Variants in NBEAL2 observed in about 807,000 individuals in gnomAD.
NBEAL2 encodes the protein neurobeachin like 2.
NBEAL2 carries 160 observed loss-of-function variants against 299.8 expected under a neutral mutation model. The observed-to-expected ratio is 0.53, with a 90% CI of 0.47 to 0.61. The LOEUF (loss-of-function observed/expected upper bound fraction) is 0.61, where lower values mean the gene tolerates loss of function less well. Among genes scored for constraint, NBEAL2 ranks in the 20% least tolerant of loss-of-function variants. The probability of loss-of-function intolerance (pLI) is 0.00; values close to 1 mark genes in which losing one functional copy is unlikely to be tolerated. For synonymous variants in NBEAL2, 1,493 were observed against 1,542.3 expected (o/e 0.97, Z 0.75); for missense variants, 3,112 against 3,649.0 (o/e 0.85, Z 3.79).
Position 46,994,500 on chromosome 3 carries a change from C to G in NBEAL2, c.1243C>G (p.Leu415Val), listed in dbSNP as rs2036331155. The change falls in exon 12 of 54, where the codon CTG (leucine) becomes GTG (valine). Residue 415 changes from leucine to valine, a missense_variant. By Grantham distance (32) the Leu-to-Val change is conservative (BLOSUM62 1). Transcript: ENST00000450053. ...RIGYPHLQEV[L>V]QSHGPPTHRL... is the part of the protein sequence containing the mutation. ...CGGCTACCCTCACCTGCAGGAGGTT[C>G]TGCAGAGCCATGGTCCCCCCACCCA... 1.9e-6 allele frequency: 3 copies of G among 1,596,292 alleles called. No homozygotes were observed. In the South Asian group the frequency reaches 3.4e-5, roughly 18 times the overall value.
At position 47,005,591 on chromosome 3, in the gene NBEAL2, C is replaced by T. The variant is rs537867553; in HGVS notation, c.6663C>T (p.Tyr2221=). The change falls in exon 41 of 54, where the codon TAC becomes TAT. Residue 2221 remains tyrosine (Y), a synonymous_variant. Coordinates refer to ENST00000450053, the MANE Select transcript of NBEAL2 (RefSeq NM_015175.3). ...DVKELIPEFF[Y]FPDFLENQNG... ...AGGAGCTCATCCCGGAATTCTTCTACTTTCCTGACTTCCTGGAGAACCAGA... is the reference window on the plus strand; with the variant it reads ...AGGAGCTCATCCCGGAATTCTTCTATTTTCCTGACTTCCTGGAGAACCAGA... The T allele has an allele frequency of 6.2e-6, 10 of 1,613,526 alleles. No homozygotes were observed. Among genetic ancestry groups the T allele is most frequent in the Middle Eastern group, 1.6e-4 (1 of 6,062 alleles).
chr3:46,990,976 G>A (rs2107307110), intron 6 of NBEAL2, among the ~76,000 whole-genome samples: 1 of 152,262 alleles, frequency 6.6e-6, no homozygotes, highest in South Asian at 2.1e-4. Flanking sequence ...GACTCTCAGG[G>A]CTGGTCTTTG....
At chr3:47,007,381 T>G in intron 47 of NBEAL2, 31 bp downstream of exon 47, 1 of 1,574,664 alleles carries the variant, frequency 6.4e-7, no homozygotes, top group Non-Finnish European at 8.6e-7. Flanking sequence ...TGGGGTGGGC[T>G]ACAAATGCCC....
intron 1 of NBEAL2, among the ~76,000 whole-genome samples, chr3:46,984,282 G>T (rs1364016350): frequency 6.6e-6 from 1 of 152,050 alleles, no homozygotes; most frequent in Non-Finnish European, 1.5e-5. Flanking sequence ...CTCCAGCCTG[G>T]GCCGGCGACA....
In NBEAL2 at chr3:47,003,576, CTGGG is replaced by C. The variant is rs2037193390; in HGVS notation, c.5721-237_5721-234del. Among the ~76,000 whole-genome samples, 4 of 152,122 alleles carry C rather than the reference CTGGG, an allele frequency of 2.6e-5. No homozygotes were observed. The South Asian group carries it at 8.3e-4, about 32-fold the overall frequency. On this transcript the variant is annotated intron_variant, in intron 35 of 53. Coordinates refer to ENST00000450053, the MANE Select transcript of NBEAL2 (RefSeq NM_015175.3). This position sits in a 1 kb window ranked among gnomAD's most constrained non-coding sequence, Gnocchi z 7.0. ...AGGGGGCCCAGGGAGTGGGCAGGGG[CTGGG>C]TGAGGGGAGCAGGGGACAAGGGTTG...
chr3:46,994,935 G>A, intron 12 of NBEAL2, 97 bp from the exon 13 acceptor site: 1 of 1,447,046 alleles, frequency 6.9e-7, no homozygotes, highest in Non-Finnish European at 9.2e-7. Context: ...AGATCATGTT[G>A]CTGACTGCTG....
Position 47,002,025 on chromosome 3 carries a change from G to A in NBEAL2, c.4888G>A (p.Gly1630Arg), listed in dbSNP as rs1227271771. The change falls in exon 31 of 54, where the codon GGG becomes AGG. Residue 1630 changes from glycine to arginine, a missense_variant. This residue lies in a region of NBEAL2 where 2,243 missense variants were observed against 2,538.1 expected (regional missense o/e 0.88). Transcript: ENST00000450053. ...GCTCTCCAAGCTGGAGGCTGCACTG[G>A]GGCGGGTGCTGAACACCTCTTCCTT... ...YVLSKLEAAL[G>R]RVLNTSSLES... 1 of 1,573,768 alleles carries A rather than the reference G, an allele frequency of 6.4e-7. No individual in the cohort carries two copies. Among genetic ancestry groups the A allele is most frequent in the South Asian group, 1.1e-5 (1 of 87,172 alleles).
In NBEAL2 at chr3:46,998,703, T is replaced by C; in HGVS notation, c.3222-14T>C. ...TCTTTGGGACCTGGCTGGGTGTGCCTACTGACCTGCCAGCCCGCAGCGGGA... is the reference window on the plus strand; with the variant it reads ...TCTTTGGGACCTGGCTGGGTGTGCCCACTGACCTGCCAGCCCGCAGCGGGA... On this transcript the variant is annotated splice_polypyrimidine_tract_variant and intron_variant, in intron 22 of 53. Coordinates refer to ENST00000450053, the MANE Select transcript of NBEAL2 (RefSeq NM_015175.3). 1 of 1,568,516 alleles carries C rather than the reference T, an allele frequency of 6.4e-7. No individual in the cohort carries two copies. The highest frequency in any genetic ancestry group is 8.7e-7 in the Non-Finnish European group (1 of 1,155,250).
chr3:46,985,310 C>T (rs1466604283), intron 1 of NBEAL2, among the ~76,000 whole-genome samples: 1 of 152,130 alleles, frequency 6.6e-6, no homozygotes, highest in African/African-American at 2.4e-5. Flanking sequence ...GATGTCTACT[C>T]GAGGCCCATT....
At position 46,991,535 on chromosome 3, in the gene NBEAL2, G is replaced by C; in HGVS notation, c.772G>C (p.Val258Leu). 1 of 1,609,272 alleles carries C rather than the reference G, an allele frequency of 6.2e-7. No homozygotes were observed. Among genetic ancestry groups the C allele is most frequent in the Non-Finnish European group, 8.5e-7 (1 of 1,179,872 alleles). ...GGCTCTAGAGGCACTGGTAGGTGCA[G>C]TCCATGTCTTGCATGCCAGCCGCGC... ...PLALEALVGAVHVLHASRAPP... is the reference protein window; with the variant it reads ...PLALEALVGALHVLHASRAPP... The change falls in exon 8 of 54, where the codon GTC (valine) becomes CTC (leucine). Residue 258 changes from valine (V) to leucine (L), a missense_variant. Coordinates refer to ENST00000450053, the MANE Select transcript of NBEAL2 (RefSeq NM_015175.3). This position sits in a 1 kb window ranked among gnomAD's most constrained non-coding sequence, Gnocchi z 6.2.
chr3:46,996,235 T>C, intron 15 of NBEAL2, 36 bp from the exon 16 acceptor site: 1 of 1,599,736 alleles, frequency 6.3e-7, no homozygotes, highest in Non-Finnish European at 8.5e-7. Flanking sequence ...CAGGTTCTGC[T>C]GTGACCTGAC....
In NBEAL2 at chr3:46,994,498, T is replaced by C; in HGVS notation, c.1241T>C (p.Val414Ala). The change falls in exon 12 of 54, where the codon GTT (valine) becomes GCT (alanine). Residue 414 changes from valine to alanine, a missense_variant. Val to Ala is a moderately conservative substitution (Grantham distance 64, BLOSUM62 0). Around this residue, in one of 3 missense-constraint regions of NBEAL2, gnomAD observed 2,243 missense variants for 2,538.1 expected, o/e 0.88. Transcript: ENST00000450053. Reference protein sequence around the residue: ...ERIGYPHLQEVLQSHGPPTHR... With the variant: ...ERIGYPHLQEALQSHGPPTHR... The stretch of plus-strand genomic sequence containing the variant: ...ATCGGCTACCCTCACCTGCAGGAGG[T>C]TCTGCAGAGCCATGGTCCCCCCACC... 6.3e-7 allele frequency: 1 copy of C among 1,595,782 alleles called. No individual in the cohort carries two copies. Among genetic ancestry groups the C allele is most frequent in the Non-Finnish European group, 8.5e-7 (1 of 1,170,280 alleles).
At position 46,994,004 on chromosome 3, in the gene NBEAL2, ACT is replaced by A. The variant is rs1491182331; in HGVS notation, c.1183_1184del (p.Ser395ProfsTer8). 6.2e-7 allele frequency: 1 copy of A among 1,610,678 alleles called. No individual in the cohort carries two copies. The highest frequency in any genetic ancestry group is 1.7e-5 in the Admixed American group (1 of 59,724). ...AGAGTGCTGACCTGCATCATGAGTG[ACT>A]CCCCCTCGGCCAAGGTGAGGCTGCT... is the stretch of plus-strand genomic sequence containing the variant. On this transcript the variant is annotated frameshift_variant, in exon 11 of 54. Coordinates refer to ENST00000450053, the MANE Select transcript of NBEAL2 (RefSeq NM_015175.3). LOFTEE classifies it high-confidence loss of function.
Position 47,002,201 on chromosome 3 carries a change from G to A in NBEAL2, c.5064G>A (p.Leu1688=). 6.5e-7 allele frequency: 1 copy of A among 1,528,694 alleles called. No individual in the cohort carries two copies. 94.7% of individuals were successfully genotyped at this position (1,528,694 alleles called of 1,614,324 possible). A position where few individuals can be genotyped will look rare whatever the true frequency, so the allele number is the denominator to read the frequency against. The change falls in exon 31 of 54, where the codon CTG becomes CTA. Residue 1688 remains leucine, a synonymous_variant. Transcript: ENST00000450053. ...PLGLQWGLPS[L]PPTNGSPTFF... is the part of the protein sequence containing the mutation. ...GGCTGCAGTGGGGACTGCCCTCCCT[G>A]CCACCCACCAATGGCAGCCCCACCT...
intron 6 of NBEAL2, among the ~76,000 whole-genome samples, chr3:46,990,045 G>A (rs2035976186): frequency 6.6e-6 from 1 of 152,242 alleles, no homozygotes; most frequent in South Asian, 2.1e-4. Context: ...CTGTGAACCT[G>A]TTCTCCCTGG....
At chr3:47,006,509 C>T in intron 45 of NBEAL2, 60 bp downstream of exon 45, 1 of 1,453,164 alleles carries the variant, frequency 6.9e-7, no homozygotes, top group South Asian at 1.2e-5. Flanking sequence ...CCCCACTGTC[C>T]TTACCAACCA....
Position 46,997,059 on chromosome 3 carries a change from G to A in NBEAL2, c.2649+13G>A, listed in dbSNP as rs746215403. On this transcript the variant is annotated intron_variant, in intron 18 of 53. Transcript: ENST00000450053. ...CTGGGATGTGAAGGTCTGTGAGCAC[G>A]TGTGGGTGGTGTGTGCAGGAGGCAT... is the stretch of plus-strand genomic sequence containing the variant. 2.2e-5 allele frequency: 35 copies of A among 1,608,494 alleles called. 1 individual carries two copies. Among genetic ancestry groups the A allele is most frequent in the South Asian group, 7.7e-5 (7 of 90,804 alleles).
chr3:47,005,024 C>A lies in NBEAL2; in HGVS notation c.6347C>A (p.Pro2116Gln). ...YVSPTLDLSN[P>Q]AVFRDLSKPI... ...TCCCCAACCCTGGACCTCAGCAACC[C>A]AGCCGTCTTCCGGGACCTGTCTAAG... The change falls in exon 39 of 54, where the codon CCA becomes CAA. Residue 2116 changes from proline (P) to glutamine (Q), a missense_variant. Physicochemically the swap from Pro to Gln is moderately conservative, Grantham distance 76. Coordinates refer to ENST00000450053, the MANE Select transcript of NBEAL2 (RefSeq NM_015175.3). 4.3e-6 allele frequency: 7 copies of A among 1,612,730 alleles called. No homozygotes were observed. The highest frequency in any genetic ancestry group is 5.1e-6 in the Non-Finnish European group (6 of 1,179,422).
intron 10 of NBEAL2, among the ~76,000 whole-genome samples, chr3:46,993,674 C>G (rs2036268769): frequency 6.6e-6 from 1 of 152,124 alleles, no homozygotes; most frequent in Non-Finnish European, 1.5e-5. Context: ...GTCAGAGTGT[C>G]CACCATTAAT....
Sources: gnomAD v4.1 joint callset for allele counts (sites outside exome capture counted in the v4.1 genomes callset) on GRCh38, gnomAD v4.1.1 for gene constraint, gnomAD v4.1.1 regional missense constraint, Gnocchi (gnomAD v3.1) non-coding constraint, MANE v1.5 for transcripts, NCBI Gene and HGNC (gene_info 2026-07-23, HGNC 2026-07-21) for gene names.